CACNA1H: variants seen among roughly 807,000 people sequenced by gnomAD.
CACNA1H encodes calcium voltage-gated channel subunit alpha1 H.
A neutral mutation model predicts 192.5 loss-of-function variants in CACNA1H; 149 were observed. That is an observed-to-expected ratio of 0.77 (90% CI 0.68 to 0.89). CACNA1H has a LOEUF of 0.89. CACNA1H is among the 40% of genes least tolerant of loss of function. The pLI, the probability that CACNA1H is intolerant of heterozygous loss-of-function variation, is 0.00. For synonymous variants in CACNA1H, 2,202 were observed against 1,475.2 expected (o/e 1.49, Z -11.29); for missense variants, 4,257 against 3,423.5 (o/e 1.24, Z -6.08).
intron 2 of CACNA1H, among the ~76,000 whole-genome samples, chr16:1,182,613 GC>G (rs774116983): frequency 6.6e-6 from 1 of 152,168 alleles, no homozygotes; most frequent in African/African-American, 2.4e-5. Context: ...CCCTGGCCAG[GC>G]CCCTGGGGAG....
chr16:1,201,597 T>A (rs1967919160), intron 8 of CACNA1H, 66 bp from the exon 9 acceptor site: 1 of 1,492,522 alleles, frequency 6.7e-7, no homozygotes, highest in African/African-American at 1.4e-5. Flanking sequence ...CAGCGCACAG[T>A]AGGGCTCAGT....
intron 6 of CACNA1H, chr16:1,199,036 C>T (rs1355993057): frequency 1.4e-5 from 6 of 440,802 alleles, no homozygotes; most frequent in Non-Finnish European, 2.5e-5. Flanking sequence ...CACCCCCCAC[C>T]ATGGCTCCGC....
chr16:1,203,016 A>G (rs1294160383), intron 9 of CACNA1H, among the ~76,000 whole-genome samples: 1 of 151,420 alleles, frequency 6.6e-6, no homozygotes, highest in African/African-American at 2.4e-5. Context: ...AGGGTTCCAC[A>G]CGGGCCTGGG....
chr16:1,209,497 C>G (rs1380657736), intron 17 of CACNA1H, 85 bp downstream of exon 17: 3 of 1,518,654 alleles, frequency 2.0e-6, no homozygotes, highest in Admixed American at 1.8e-5. Context: ...AGATGGGATT[C>G]AGGGCGTGTT....
intron 2 of CACNA1H, among the ~76,000 whole-genome samples, chr16:1,193,083 C>T (rs995304448): frequency 9.2e-5 from 14 of 152,134 alleles, no homozygotes; most frequent in South Asian, 4.1e-4. Flanking sequence ...CGTGGGGGCT[C>T]AGGTCAGGGA....
At position 1,204,112 on chromosome 16, in the gene CACNA1H, A is replaced by G. The variant is rs1203707523; in HGVS notation, c.2105A>G (p.Tyr702Cys). The G allele has an allele frequency of 6.2e-7, 1 of 1,611,794 alleles. No individual in the cohort carries two copies. The highest frequency in any genetic ancestry group is 2.2e-5 in the East Asian group (1 of 44,844). Residue 702 changes from tyrosine to cysteine, a missense_variant, in exon 10 of 35, where the codon TAC becomes TGC. By Grantham distance (194) the Tyr-to-Cys change is radical. Coordinates refer to ENST00000348261, the MANE Select transcript of CACNA1H (RefSeq NM_021098.3). ...TLTCELKSCP[Y>C]CTRALEDPEG... ...ACCTGTGAGCTGAAGAGCTGCCCGTACTGCACCCGTGCCCTGGAGGACCCG... is the reference window on the plus strand; with the variant it reads ...ACCTGTGAGCTGAAGAGCTGCCCGTGCTGCACCCGTGCCCTGGAGGACCCG...
At chr16:1,198,251 G>T (rs571606867) in intron 5 of CACNA1H, among the ~76,000 whole-genome samples, 177 of 149,152 alleles carry the variant, frequency 1.2e-3, no homozygotes, top group African/African-American at 4.1e-3. Context: ...GGTCAGACCT[G>T]CCGCAGCCAG....
intron 5 of CACNA1H, among the ~76,000 whole-genome samples, chr16:1,196,674 G>A (rs1195393219): frequency 6.6e-6 from 1 of 152,204 alleles, no homozygotes; most frequent in African/African-American, 2.4e-5. Flanking sequence ...GGTGTGAGGA[G>A]GGGGCCTGGT....
rs1283684984 is a variant in CACNA1H, at chr16:1,164,315, C to T, written c.299+10279C>T. ...TACCCGAAGCCTCAGATCTGATGAA[C>T]CCTGTCCTGTACGTACTGTTTTTTC... is the stretch of plus-strand genomic sequence containing the variant. On this transcript the variant is annotated intron_variant, in intron 2 of 34. Transcript: ENST00000348261. Among the ~76,000 whole-genome samples, 2 of 152,180 alleles carry T rather than the reference C, an allele frequency of 1.3e-5. 1 individual carries two copies. The highest frequency in any genetic ancestry group is 4.1e-4 in the South Asian group (2 of 4,834).
rs1205046706 is a variant in CACNA1H at position 1,207,060 on chromosome 16, C to T, written c.2849C>T (p.Thr950Ile). ...AGCCTGAAGACAGACACCGGAGACA[C>T]CGTGCCTGACAGGAAGAACTTCGAC... The part of the protein sequence containing the change: ...KFSLKTDTGD[T>I]VPDRKNFDSL... The change falls in exon 13 of 35, where the codon ACC becomes ATC. Residue 950 changes from threonine to isoleucine, a missense_variant. Transcript: ENST00000348261. 3 of 1,603,152 alleles carry T rather than the reference C, an allele frequency of 1.9e-6. No individual in the cohort carries two copies. The highest frequency in any genetic ancestry group is 2.6e-6 in the Non-Finnish European group (3 of 1,174,984).
chr16:1,171,596 C>T (rs764733208), intron 2 of CACNA1H, among the ~76,000 whole-genome samples: 8 of 152,196 alleles, frequency 5.3e-5, no homozygotes, highest in African/African-American at 1.4e-4. Flanking sequence ...GCGCCTCAGG[C>T]GGCTTTTGTC....
Position 1,221,227 on chromosome 16 carries a change from G to A in CACNA1H, c.*233G>A. ...CGGGTTTCTCCGAGTTTTGCTACCA[G>A]CCGAGGCTGTGCGGGCAACTGGGTC... On this transcript the variant is annotated 3_prime_UTR_variant, in exon 35 of 35. Coordinates refer to ENST00000348261, the MANE Select transcript of CACNA1H (RefSeq NM_021098.3). The A allele has an allele frequency of 2.0e-6, 1 of 507,888 alleles. No homozygotes were observed. 31.5% of individuals were successfully genotyped at this position (507,888 alleles called of 1,614,324 possible). A position where few individuals can be genotyped will look rare whatever the true frequency, so the allele number is the denominator to read the frequency against.
intron 2 of CACNA1H, among the ~76,000 whole-genome samples, chr16:1,155,381 T>C (rs1466667142): frequency 1.3e-5 from 2 of 152,082 alleles, no homozygotes; most frequent in Non-Finnish European, 2.9e-5. Context: ...AGAGCGGTTG[T>C]AGGTTTGTCT....
Position 1,213,699 on chromosome 16 carries a change from C to T in CACNA1H, c.4778-81C>T, listed in dbSNP as rs1172792423. 2.2e-5 allele frequency: 25 copies of T among 1,156,098 alleles called. 1 individual carries two copies. Among genetic ancestry groups the T allele is most frequent in the South Asian group, 2.0e-4 (12 of 59,214 alleles). 71.6% of individuals were successfully genotyped at this position (1,156,098 alleles called of 1,614,324 possible). ...CAACTTCTACCCTACACTTGGCCACCTAGGAGGAGAATGGAGTCTGCAGGA... is the reference window on the plus strand; with the variant it reads ...CAACTTCTACCCTACACTTGGCCACTTAGGAGGAGAATGGAGTCTGCAGGA... On this transcript the variant is annotated intron_variant, in intron 26 of 34. Coordinates refer to ENST00000348261, the MANE Select transcript of CACNA1H (RefSeq NM_021098.3).
intron 2 of CACNA1H, among the ~76,000 whole-genome samples, chr16:1,193,660 T>A (rs934371237): frequency 3.9e-5 from 6 of 152,240 alleles, no homozygotes; most frequent in Non-Finnish European, 7.3e-5. Flanking sequence ...AGGCGCCTGT[T>A]ACCGCTGAAC....
At chr16:1,217,358 C>G (rs2141388240) in intron 31 of CACNA1H, among the ~76,000 whole-genome samples, 1 of 152,338 alleles carries the variant, frequency 6.6e-6, no homozygotes, top group South Asian at 2.1e-4. Flanking sequence ...TCACATGGTC[C>G]CAGGAGACAA....
rs1262805793 is a variant in CACNA1H at position 1,167,303 on chromosome 16, A to T, written c.299+13267A>T. Among the ~76,000 whole-genome samples the T allele has an allele frequency of 6.6e-6, 1 of 151,002 alleles. No individual in the cohort carries two copies. Among genetic ancestry groups the T allele is most frequent in the Non-Finnish European group, 1.5e-5 (1 of 67,970 alleles). Reference sequence around the variant, plus strand: ...TTGCCGGCCGCCCGCGAATGTCAGGAACCTTGGATTCCTGACACACGGGTG... The same window carrying T: ...TTGCCGGCCGCCCGCGAATGTCAGGTACCTTGGATTCCTGACACACGGGTG... On this transcript the variant is annotated intron_variant, in intron 2 of 34. Transcript: ENST00000348261. The surrounding 1 kb of genome is among the most constrained non-coding windows in gnomAD (Gnocchi z 4.2).
At chr16:1,190,374 A>G (rs1435434983) in intron 2 of CACNA1H, among the ~76,000 whole-genome samples, 1 of 152,258 alleles carries the variant, frequency 6.6e-6, no homozygotes, top group Non-Finnish European at 1.5e-5. Flanking sequence ...CACAGCCGGC[A>G]GACACTGCCT....
chr16:1,174,340 A>C (rs1041662807), intron 2 of CACNA1H, among the ~76,000 whole-genome samples: 8 of 152,182 alleles, frequency 5.3e-5, no homozygotes, highest in Non-Finnish European at 1.0e-4. Flanking sequence ...CCCAGAGCCC[A>C]GGATATGGAG....
Sources: gnomAD v4.1 joint callset for allele counts (sites outside exome capture counted in the v4.1 genomes callset) on GRCh38, gnomAD v4.1.1 for gene constraint, Gnocchi (gnomAD v3.1) non-coding constraint, MANE v1.5 for transcripts, NCBI Gene and HGNC (gene_info 2026-07-23, HGNC 2026-07-21) for gene names.